APOBEC2: variants seen among roughly 807,000 people sequenced by gnomAD.
APOBEC2 encodes apolipoprotein B mRNA editing enzyme catalytic subunit 2.
APOBEC2 carries 14 observed loss-of-function variants against 19.4 expected under a neutral mutation model. The ratio of observed to expected loss-of-function variants is 0.72; its 90% CI spans 0.48 to 1.13. APOBEC2 has a LOEUF of 1.13. Among genes scored for constraint, APOBEC2 ranks in the 50% most tolerant of loss-of-function variants. APOBEC2 has a pLI of 0.00. For synonymous variants in APOBEC2, 127 were observed against 112.1 expected (o/e 1.13, Z -0.84); for missense variants, 304 against 277.0 (o/e 1.10, Z -0.69).
At chr6:41,061,182 ACTG>A in intron 1 of APOBEC2, 143 bp from the exon 2 acceptor site, 1 of 281,040 alleles carries the variant, frequency 3.6e-6, no homozygotes, top group Non-Finnish European at 5.8e-6. Context: ...TTTTTTTGTC[ACTG>A]ATGTTACCAC....
At chr6:41,055,187 C>A (rs1201363939) in intron 1 of APOBEC2, among the ~76,000 whole-genome samples, 1 of 152,180 alleles carries the variant, frequency 6.6e-6, no homozygotes, top group Non-Finnish European at 1.5e-5. Context: ...TTACTCCCAG[C>A]AAAGTATCCT....
chr6:41,053,640 C>T (rs568022741), intron 1 of APOBEC2, among the ~76,000 whole-genome samples, 162 bp downstream of exon 1: 32 of 152,268 alleles, frequency 2.1e-4, no homozygotes, highest in Admixed American at 5.2e-4. Flanking sequence ...GGGGACCCAG[C>T]AGCAAATTCT....
chr6:41,062,966 C>T (rs1554131351), intron 2 of APOBEC2, among the ~76,000 whole-genome samples: 1 of 152,180 alleles, frequency 6.6e-6, no homozygotes, highest in Non-Finnish European at 1.5e-5. Flanking sequence ...AACTTTAATC[C>T]TGCAACAACT....
At position 41,060,609 on chromosome 6, in the gene APOBEC2, C is replaced by T. The variant is rs182558313; in HGVS notation, c.132-719C>T. ...AATACTAAATACAGGCTTAACTATC[C>T]CAAGATACCCTTGAGTAGTCTGTCC... is the stretch of plus-strand genomic sequence containing the variant. On this transcript the variant is annotated intron_variant, in intron 1 of 2. Transcript: ENST00000244669. 1.1e-4 allele frequency among the ~76,000 whole-genome samples: 16 copies of T among 152,246 alleles called. No homozygotes were observed. In the East Asian group the frequency reaches 2.7e-3, roughly 26 times the overall value.
chr6:41,061,927 ATTATG>A, intron 2 of APOBEC2, 35 bp downstream of exon 2: 6 of 1,545,954 alleles, frequency 3.9e-6, no homozygotes, highest in Non-Finnish European at 5.2e-6. Flanking sequence ...CCAACACTTT[ATTATG>A]TTAACTCCAG....
At position 41,061,572 on chromosome 6, in the gene APOBEC2, A is replaced by G; in HGVS notation, c.376A>G (p.Ser126Gly). Residue 126 changes from serine to glycine, a missense_variant, in exon 2 of 3, where the codon AGC becomes GGC. By Grantham distance (56) the Ser-to-Gly change is moderately conservative. Transcript: ENST00000244669. ...RYNVTWYVSS[S>G]PCAACADRII... ...CAATGTCACCTGGTATGTGTCCTCC[A>G]GCCCCTGTGCAGCGTGTGCTGACCG... The G allele has an allele frequency of 6.2e-7, 1 of 1,614,230 alleles. No individual in the cohort carries two copies. Among genetic ancestry groups the G allele is most frequent in the Non-Finnish European group, 8.5e-7 (1 of 1,180,036 alleles).
At chr6:41,060,685 A>G (rs1362546319) in intron 1 of APOBEC2, among the ~76,000 whole-genome samples, 1 of 152,246 alleles carries the variant, frequency 6.6e-6, no homozygotes, top group Non-Finnish European at 1.5e-5. Context: ...CCTTTACCTG[A>G]AAGTAAACAG....
At chr6:41,060,892 G>C (rs1311758694) in intron 1 of APOBEC2, among the ~76,000 whole-genome samples, 2 of 152,228 alleles carry the variant, frequency 1.3e-5, no homozygotes, top group Non-Finnish European at 2.9e-5. Context: ...CATCCAGAGA[G>C]CTTTTTAAAA....
intron 1 of APOBEC2, among the ~76,000 whole-genome samples, chr6:41,054,710 G>T (rs959827678): frequency 6.6e-6 from 1 of 152,210 alleles, no homozygotes; most frequent in Admixed American, 6.5e-5. Flanking sequence ...GAGCAGCTGG[G>T]CACAGATTAA....
chr6:41,061,232 C>T, intron 1 of APOBEC2, 96 bp from the exon 2 acceptor site: 1 of 742,186 alleles, frequency 1.3e-6, no homozygotes, highest in Non-Finnish European at 1.8e-6. Flanking sequence ...GAATGCATTT[C>T]TGAAGTACTG....
intron 1 of APOBEC2, among the ~76,000 whole-genome samples, chr6:41,060,273 C>T (rs553901736): frequency 1.3e-5 from 2 of 152,302 alleles, no homozygotes; most frequent in African/African-American, 4.8e-5. Context: ...ACCTACTGGA[C>T]TTGTTCAATT....
chr6:41,057,343 T>C (rs1221168459), intron 1 of APOBEC2, among the ~76,000 whole-genome samples: 1 of 152,014 alleles, frequency 6.6e-6, no homozygotes, highest in Non-Finnish European at 1.5e-5. Flanking sequence ...GCGCACTGAC[T>C]CTGGCCAACC....
Position 41,053,226 on chromosome 6 carries a change from T to C in APOBEC2, c.-122T>C. The C allele has an allele frequency of 2.2e-6, 3 of 1,378,880 alleles. No homozygotes were observed. Among genetic ancestry groups the C allele is most frequent in the Non-Finnish European group, 2.9e-6 (3 of 1,025,958 alleles). 85.4% of individuals were successfully genotyped at this position (1,378,880 alleles called of 1,614,324 possible). On this transcript the variant is annotated 5_prime_UTR_variant, in exon 1 of 3. Transcript: ENST00000244669. ...ACGAAGCCTGGCCTGCTGGGTCCTTTTCCCGTCATCCCCAGCCAGATTTAG... is the reference window on the plus strand; with the variant it reads ...ACGAAGCCTGGCCTGCTGGGTCCTTCTCCCGTCATCCCCAGCCAGATTTAG...
chr6:41,053,279 G>C lies in APOBEC2; in HGVS notation c.-69G>C, dbSNP rs200026110. 2 of 1,557,336 alleles carry C rather than the reference G, an allele frequency of 1.3e-6. No individual in the cohort carries two copies. Among genetic ancestry groups the C allele is most frequent in the Non-Finnish European group, 1.7e-6 (2 of 1,155,240 alleles). ...GCTGACAGCTGCTTGGGACTCTGCC[G>C]CCAGGGCCTGGCCCAGACCTGCCTG... On this transcript the variant is annotated 5_prime_UTR_variant, in exon 1 of 3. Coordinates refer to ENST00000244669, the MANE Select transcript of APOBEC2 (RefSeq NM_006789.4).
intron 1 of APOBEC2, among the ~76,000 whole-genome samples, chr6:41,054,559 G>C (rs1399431245): frequency 1.3e-5 from 2 of 152,162 alleles, no homozygotes; most frequent in African/African-American, 2.4e-5. Flanking sequence ...TAGTAGTAAG[G>C]TCCCTTCCAG....
At position 41,061,722 on chromosome 6, in the gene APOBEC2, C is replaced by T; in HGVS notation, c.526C>T (p.Leu176=). ...LKKLKEAGCK[L]RIMKPQDFEY... Reference sequence around the variant, plus strand: ...GAAGCTGAAGGAGGCTGGCTGTAAACTGCGCATCATGAAGCCCCAGGACTT... The same window carrying T: ...GAAGCTGAAGGAGGCTGGCTGTAAATTGCGCATCATGAAGCCCCAGGACTT... Residue 176 remains leucine (L), a synonymous_variant, in exon 2 of 3, where the codon CTG becomes TTG. Transcript: ENST00000244669. 1.2e-6 allele frequency: 2 copies of T among 1,614,216 alleles called. No homozygotes were observed. The highest frequency in any genetic ancestry group is 1.7e-6 in the Non-Finnish European group (2 of 1,180,040).
At chr6:41,055,206 G>T (rs1489531818) in intron 1 of APOBEC2, among the ~76,000 whole-genome samples, 11 of 152,168 alleles carry the variant, frequency 7.2e-5, no homozygotes, top group Admixed American at 7.2e-4. Flanking sequence ...CTTTCTACTG[G>T]TTTCTTATTC....
At chr6:41,058,151 CCACACACACACACACACACACA>C (rs375076306) in intron 1 of APOBEC2, among the ~76,000 whole-genome samples, 10 of 69,032 alleles carry the variant, frequency 1.4e-4, no homozygotes, top group South Asian at 4.5e-4. Flanking sequence ...CCACCCCACC[CCACACACACACACACACACACA>C]CACACACACA....
intron 1 of APOBEC2, among the ~76,000 whole-genome samples, chr6:41,055,836 C>T (rs1762788248): frequency 6.6e-6 from 1 of 152,212 alleles, no homozygotes; most frequent in African/African-American, 2.4e-5. Context: ...TCACAAGTCT[C>T]TTCCCTACTC....
Sources: allele counts gnomAD v4.1 joint callset (sites outside exome capture counted in the v4.1 genomes callset), GRCh38; gene constraint gnomAD v4.1.1; transcripts MANE v1.5; gene names NCBI Gene and HGNC (gene_info 2026-07-23, HGNC 2026-07-21).